The following IL1RAPL1 variants were observed in gnomAD, a reference collection of about 807,000 sequenced individuals.
The protein encoded by IL1RAPL1 is interleukin-1 receptor accessory protein-like 1.
A neutral mutation model predicts 48.4 loss-of-function variants in IL1RAPL1; 3 were observed. The ratio of observed to expected loss-of-function variants is 0.06; its 90% confidence interval spans 0.03 to 0.16. The LOEUF is 0.16. IL1RAPL1 is among the 10% of genes least tolerant of loss of function. The probability of loss-of-function intolerance (pLI) is 1.00; values close to 1 mark genes in which losing one functional copy is unlikely to be tolerated. For synonymous variants in IL1RAPL1, 185 were observed against 187.7 expected (o/e 0.99, Z 0.12); for missense variants, 349 against 530.6 (o/e 0.66, Z 3.36).
At chrX:29,841,665 A>G (rs748628576) in intron 6 of IL1RAPL1, among the ~76,000 whole-genome samples, 50 of 111,675 alleles carry the variant, frequency 4.5e-4, no homozygotes, top group African/African-American at 1.6e-3. Flanking sequence ...CAACTGTAAT[A>G]CGGTATGTAA....
At position 28,876,754 on chromosome X, in the gene IL1RAPL1, G is replaced by GAAA. The variant is rs4024039; in HGVS notation, c.82+87339_82+87341dup. On this transcript the variant is annotated intron_variant, in intron 2 of 10. Coordinates refer to ENST00000378993, the MANE Select transcript of IL1RAPL1 (RefSeq NM_014271.4). Reference sequence around the variant, plus strand: ...ATGCACCCTCATTTTATTCTTGCTGGAAAAAAAAAAAACTAACAACATAAA... The same window carrying GAAA: ...ATGCACCCTCATTTTATTCTTGCTGGAAAAAAAAAAAAAAACTAACAACATAAA... Among the ~76,000 whole-genome samples the GAAA allele has an allele frequency of 3.9e-3, 397 of 101,506 alleles. 4 individuals carry two copies. The highest frequency in any genetic ancestry group is 6.7e-3 in the South Asian group (15 of 2,245). The allele number at this position is 101,506 out of a possible 115,157, so 88.1% of individuals were successfully genotyped here.
intron 5 of IL1RAPL1, among the ~76,000 whole-genome samples, chrX:29,652,733 G>T (rs1925557243): frequency 8.9e-6 from 1 of 111,764 alleles, no homozygotes; most frequent in Non-Finnish European, 1.9e-5. Context: ...TGCTTGACCT[G>T]CAGTTAACCA....
At chrX:29,616,786 G>T (rs769659423) in intron 5 of IL1RAPL1, among the ~76,000 whole-genome samples, 22 of 111,287 alleles carry the variant, frequency 2.0e-4, no homozygotes, top group Non-Finnish European at 3.6e-4. Flanking sequence ...GGGTGGCAAA[G>T]CCCACAGTTT....
chrX:29,257,297 A>G (rs1446477495), intron 2 of IL1RAPL1, among the ~76,000 whole-genome samples: 1 of 111,440 alleles, frequency 9.0e-6, no homozygotes, highest in Non-Finnish European at 1.9e-5. Flanking sequence ...AATGCATTAT[A>G]TCATTTGAGT....
In IL1RAPL1 at chrX:28,896,299, C is replaced by T. The variant is rs193165070; in HGVS notation, c.82+106874C>T. On this transcript the variant is annotated intron_variant, in intron 2 of 10. Coordinates refer to ENST00000378993, the MANE Select transcript of IL1RAPL1 (RefSeq NM_014271.4). ...TAATTTTTGGAGTTTTATTTAATGTCAGGAGCGGATTGGGTAATAAAATGT... is the reference window on the plus strand; with the variant it reads ...TAATTTTTGGAGTTTTATTTAATGTTAGGAGCGGATTGGGTAATAAAATGT... Among the ~76,000 whole-genome samples, 31 of 111,629 alleles carry T rather than the reference C, an allele frequency of 2.8e-4. 1 individual carries two copies. The highest frequency in any genetic ancestry group is 4.6e-3 in the Middle Eastern group (1 of 219).
chrX:29,279,415 G>A (rs1166451809), intron 2 of IL1RAPL1, among the ~76,000 whole-genome samples: 1 of 107,646 alleles, frequency 9.3e-6, no homozygotes, highest in African/African-American at 3.4e-5. Context: ...CAGCCTGGGC[G>A]ACAGAGCAAG....
intron 6 of IL1RAPL1, among the ~76,000 whole-genome samples, chrX:29,892,601 A>C (rs1367908460): frequency 8.9e-6 from 1 of 112,574 alleles, no homozygotes; most frequent in East Asian, 2.8e-4. Flanking sequence ...GATTGGAGAA[A>C]AGGACAGAAA....
At chrX:29,821,371 C>T (rs1601839732) in intron 6 of IL1RAPL1, among the ~76,000 whole-genome samples, 1 of 110,324 alleles carries the variant, frequency 9.1e-6, no homozygotes, top group Non-Finnish European at 1.9e-5. Flanking sequence ...AATGGCGTGA[C>T]CCCAGGAGGT....
At chrX:29,458,205 T>C (rs2147731791) in intron 5 of IL1RAPL1, among the ~76,000 whole-genome samples, 1 of 112,516 alleles carries the variant, frequency 8.9e-6, no homozygotes, top group Admixed American at 9.4e-5. Flanking sequence ...AGTTTGCAAA[T>C]ATTTTCTGCC....
At chrX:29,168,705 A>G (rs1929843302) in intron 2 of IL1RAPL1, among the ~76,000 whole-genome samples, 1 of 85,892 alleles carries the variant, frequency 1.2e-5, no homozygotes, top group Non-Finnish European at 2.5e-5. Flanking sequence ...TTGTATATAT[A>G]TATTCATATG....
intron 2 of IL1RAPL1, among the ~76,000 whole-genome samples, chrX:29,058,289 A>G (rs766289723): frequency 1.8e-5 from 2 of 110,808 alleles, no homozygotes; most frequent in African/African-American, 6.6e-5. Context: ...TGGCAGGAGA[A>G]TCACTTGAAC....
At position 29,857,669 on chromosome X, in the gene IL1RAPL1, A is replaced by AT. The variant is rs773001950; in HGVS notation, c.779-59794dup. On this transcript the variant is annotated intron_variant, in intron 6 of 10. Coordinates refer to ENST00000378993, the MANE Select transcript of IL1RAPL1 (RefSeq NM_014271.4). The stretch of plus-strand genomic sequence containing the variant: ...TTCAGCTGGCCTGAGAACTAAATTG[A>AT]TATAAGACAGATTGAGAGGGGAAAA... Among the ~76,000 whole-genome samples, 6 of 111,937 alleles carry AT rather than the reference A, an allele frequency of 5.4e-5. No individual in the cohort carries two copies. The East Asian group carries it at 1.7e-3, about 32-fold the overall frequency.
intron 6 of IL1RAPL1, among the ~76,000 whole-genome samples, chrX:29,801,076 A>AAAAAAAAAAAAAAAAAAAAC (rs1569172133): frequency 9.2e-5 from 8 of 87,015 alleles, no homozygotes; most frequent in African/African-American, 4.5e-4. Flanking sequence ...AAAAAAAAAA[A>AAAAAAAAAAAAAAAAAAAAC]AAAACTCATC....
intron 1 of IL1RAPL1, among the ~76,000 whole-genome samples, chrX:28,787,964 A>G (rs1936491098): frequency 1.8e-5 from 2 of 111,667 alleles, no homozygotes; most frequent in South Asian, 3.7e-4. Flanking sequence ...AGAAGCAGAG[A>G]GTAGAATGGT....
At chrX:29,183,235 T>C (rs1441935886) in intron 2 of IL1RAPL1, among the ~76,000 whole-genome samples, 1 of 111,411 alleles carries the variant, frequency 9.0e-6, no homozygotes, top group Non-Finnish European at 1.9e-5. Flanking sequence ...TGTGGAGATG[T>C]ACTACTCTGA....
At chrX:29,843,598 G>A (rs1347578828) in intron 6 of IL1RAPL1, among the ~76,000 whole-genome samples, 2 of 111,383 alleles carry the variant, frequency 1.8e-5, no homozygotes, top group Non-Finnish European at 3.8e-5. Flanking sequence ...AAATCAAGGC[G>A]TAGGCAGGGC....
chrX:29,510,350 T>G (rs1460342465), intron 5 of IL1RAPL1, among the ~76,000 whole-genome samples: 1 of 111,835 alleles, frequency 8.9e-6, no homozygotes, highest in Non-Finnish European at 1.9e-5. Context: ...GAAACAGAGG[T>G]ACAAACACTA....
chrX:29,861,605 T>G (rs1931585695), intron 6 of IL1RAPL1, among the ~76,000 whole-genome samples: 1 of 110,915 alleles, frequency 9.0e-6, no homozygotes. Flanking sequence ...TGTATACTGC[T>G]TAGGTGACGG....
intron 5 of IL1RAPL1, among the ~76,000 whole-genome samples, chrX:29,414,859 A>G (rs1425984718): frequency 9.0e-6 from 1 of 111,227 alleles, no homozygotes; most frequent in African/African-American, 3.3e-5. Context: ...TTGACTGAAA[A>G]CTCAATATTG....
Sources: allele counts gnomAD v4.1 joint callset (sites outside exome capture counted in the v4.1 genomes callset), GRCh38; gene constraint gnomAD v4.1.1; transcripts MANE v1.5; gene names NCBI Gene and HGNC (gene_info 2026-07-23, HGNC 2026-07-21).